CEP70: variants seen among roughly 807,000 people sequenced by gnomAD.
CEP70 encodes the protein centrosomal protein of 70 kDa.
Under a neutral mutation model 90.9 loss-of-function variants are expected in CEP70, and 70 were observed. The observed-to-expected ratio is 0.77, with a 90% CI of 0.64 to 0.94. The LOEUF is 0.94. Ranked by LOEUF, CEP70 falls within the 40% of genes least tolerant of loss-of-function variation. The pLI, the probability that CEP70 is intolerant of heterozygous loss-of-function variation, is 0.00. For missense variants in CEP70, 648 were observed against 669.0 expected, an observed-to-expected ratio of 0.97 and a Z score of 0.35; for synonymous variants, 220 against 228.3, an observed-to-expected ratio of 0.96 and a Z score of 0.33.
chr3:138,544,357 C>CAAAAAAA (rs59364039), intron 6 of CEP70, among the ~76,000 whole-genome samples: 133 of 136,012 alleles, frequency 9.8e-4, no homozygotes, highest in African/African-American at 3.3e-3. Flanking sequence ...ACTCAAAAGA[C>CAAAAAAA]AAAAAAAAAA....
intron 3 of CEP70, among the ~76,000 whole-genome samples, chr3:138,571,904 G>A (rs558571355): frequency 6.8e-4 from 103 of 152,064 alleles, no homozygotes; most frequent in Non-Finnish European, 8.7e-4. Flanking sequence ...TCAGCCTCCC[G>A]AGTAGCTGGG....
intron 6 of CEP70, among the ~76,000 whole-genome samples, chr3:138,561,891 G>T (rs2040431555): frequency 6.6e-6 from 1 of 151,782 alleles, no homozygotes; most frequent in Admixed American, 6.6e-5. Context: ...GGGCATGGTG[G>T]CAGGCACCTG....
chr3:138,526,436 C>T (rs2037260988), intron 10 of CEP70, among the ~76,000 whole-genome samples: 1 of 152,174 alleles, frequency 6.6e-6, no homozygotes, highest in Non-Finnish European at 1.5e-5. Flanking sequence ...GCTGGGATTA[C>T]AGGTGTGAGC....
chr3:138,591,211 C>T (rs985593801), intron 2 of CEP70, among the ~76,000 whole-genome samples: 2 of 152,300 alleles, frequency 1.3e-5, no homozygotes, highest in East Asian at 3.9e-4. Flanking sequence ...TGACAGGTCA[C>T]AGTCACAACT....
chr3:138,557,500 G>A (rs1480565586), intron 6 of CEP70, among the ~76,000 whole-genome samples: 1 of 152,188 alleles, frequency 6.6e-6, no homozygotes, highest in Admixed American at 6.5e-5. Flanking sequence ...GTAAAGACAG[G>A]CATAAGAAAT....
chr3:138,586,867 A>T (rs1272117879), intron 2 of CEP70, among the ~76,000 whole-genome samples: 1 of 152,244 alleles, frequency 6.6e-6, no homozygotes, highest in Non-Finnish European at 1.5e-5. Flanking sequence ...ATAAATGCTT[A>T]AGATGGTGGC....
chr3:138,521,154 G>A (rs867343361), intron 11 of CEP70, among the ~76,000 whole-genome samples: 1 of 152,144 alleles, frequency 6.6e-6, no homozygotes, highest in African/African-American at 2.4e-5. Context: ...ATCTCGGCTC[G>A]CTACAACCTC....
chr3:138,552,855 TCAAA>T (rs1159817620), intron 6 of CEP70, among the ~76,000 whole-genome samples: 10 of 151,284 alleles, frequency 6.6e-5, no homozygotes, highest in Admixed American at 1.3e-4. Context: ...ACTGAAACAA[TCAAA>T]CAAAAATACA....
At chr3:138,545,187 G>T (rs1437878946) in intron 6 of CEP70, among the ~76,000 whole-genome samples, 1 of 152,162 alleles carries the variant, frequency 6.6e-6, no homozygotes, top group Non-Finnish European at 1.5e-5. Context: ...ATTGTTGCGG[G>T]AAGTCAGGGA....
chr3:138,543,558 G>A (rs542358834), intron 6 of CEP70, among the ~76,000 whole-genome samples: 5 of 152,336 alleles, frequency 3.3e-5, no homozygotes, highest in African/African-American at 1.2e-4. Flanking sequence ...CTGTGGCTGG[G>A]CAGATGCAGC....
rs139291036 is a variant in CEP70, at chr3:138,532,984, A to G, written c.636-414T>C. ...GTTAAATAAATAATGGCACATCCATACTACAGAAAATAATGGGCTGGGTGC... is the reference window on the plus strand; with the variant it reads ...GTTAAATAAATAATGGCACATCCATGCTACAGAAAATAATGGGCTGGGTGC... On this transcript the variant is annotated intron_variant, in intron 7 of 17. Coordinates refer to ENST00000264982, the MANE Select transcript of CEP70 (RefSeq NM_024491.4). Among the ~76,000 whole-genome samples the G allele has an allele frequency of 3.5e-3, 529 of 152,244 alleles. 2 individuals carry two copies. The highest frequency in any genetic ancestry group is 0.011 in the African/African-American group (455 of 41,552).
At chr3:138,515,677 C>T (rs1334726375) in intron 11 of CEP70, among the ~76,000 whole-genome samples, 1 of 152,042 alleles carries the variant, frequency 6.6e-6, no homozygotes, top group East Asian at 1.9e-4. Context: ...TAAATTTTAG[C>T]AGGTAGACAA....
intron 2 of CEP70, among the ~76,000 whole-genome samples, chr3:138,582,129 C>T (rs111309780): frequency 6.6e-5 from 10 of 152,136 alleles, no homozygotes; most frequent in East Asian, 5.8e-4. Context: ...TGAAAGAAAA[C>T]GACGTTAATG....
intron 12 of CEP70, among the ~76,000 whole-genome samples, 159 bp downstream of exon 12, chr3:138,508,280 T>C (rs1576549111): frequency 6.6e-6 from 1 of 152,306 alleles, no homozygotes; most frequent in East Asian, 1.9e-4. Flanking sequence ...ACAATGTTTT[T>C]AGTCAAATAG....
intron 16 of CEP70, among the ~76,000 whole-genome samples, chr3:138,499,101 A>G (rs763274950): frequency 6.6e-6 from 1 of 152,134 alleles, no homozygotes; most frequent in Non-Finnish European, 1.5e-5. Flanking sequence ...AAACTGTGGG[A>G]AGGAAGAAAT....
At chr3:138,499,266 T>TG (rs11425305) in intron 16 of CEP70, among the ~76,000 whole-genome samples, 59,929 of 151,884 alleles carry the variant, frequency 0.39, 12,393 homozygotes, top group Non-Finnish European at 0.45. Context: ...GGGTCAGGTG[T>TG]GGGGAAAGTT....
chr3:138,558,017 C>T (rs372481018), intron 6 of CEP70, among the ~76,000 whole-genome samples: 1 of 152,092 alleles, frequency 6.6e-6, no homozygotes, highest in Non-Finnish European at 1.5e-5. Context: ...ATTTTTAAAT[C>T]TGTTTGAAAG....
Position 138,529,279 on chromosome 3 carries a change from C to T in CEP70, c.789G>A (p.Gln263=), listed in dbSNP as rs1046443857. The part of the protein sequence containing the change: ...PTYKGLLMSL[Q]NQLKESKSKI... ...TAGATTTTGATTCCTTGAGTTGATTCTGTAATGACTGCAACACATTTCATA... is the reference window on the plus strand; with the variant it reads ...TAGATTTTGATTCCTTGAGTTGATTTTGTAATGACTGCAACACATTTCATA... The change falls in exon 10 of 18, where the codon CAG becomes CAA. Residue 263 remains glutamine (Q), a synonymous_variant. Transcript: ENST00000264982. 11 of 1,600,008 alleles carry T rather than the reference C, an allele frequency of 6.9e-6. No individual in the cohort carries two copies. The highest frequency in any genetic ancestry group is 9.4e-6 in the Non-Finnish European group (11 of 1,171,542).
intron 6 of CEP70, among the ~76,000 whole-genome samples, chr3:138,541,872 A>T (rs1468091108): frequency 6.6e-6 from 1 of 152,194 alleles, no homozygotes; most frequent in Non-Finnish European, 1.5e-5. Flanking sequence ...AAATACAAAA[A>T]GTTAGCTGAG....
Sources: gnomAD v4.1 joint callset for allele counts (sites outside exome capture counted in the v4.1 genomes callset) on GRCh38, gnomAD v4.1.1 for gene constraint, MANE v1.5 for transcripts, NCBI Gene and HGNC (gene_info 2026-07-23, HGNC 2026-07-21) for gene names.